Variants in CNDP1 observed in about 807,000 individuals in gnomAD.
The protein encoded by CNDP1 is beta-Ala-His dipeptidase.
Under a neutral mutation model 58.1 loss-of-function variants are expected in CNDP1, and 44 were observed. The ratio of observed to expected loss-of-function variants is 0.76; its 90% CI spans 0.60 to 0.97. CNDP1 has a LOEUF of 0.97. Among genes scored for constraint, CNDP1 ranks in the 50% least tolerant of loss-of-function variants. The pLI, the probability that CNDP1 is intolerant of heterozygous loss-of-function variation, is 0.00. For synonymous variants in CNDP1, 254 were observed against 252.6 expected (o/e 1.01, Z -0.05); for missense variants, 616 against 655.1 (o/e 0.94, Z 0.65).
chr18:74,575,113 A>AAAGG (rs1024831663), intron 7 of CNDP1, among the ~76,000 whole-genome samples: 4 of 151,866 alleles, frequency 2.6e-5, no homozygotes, highest in African/African-American at 9.7e-5. Flanking sequence ...AGAAGGAAAG[A>AAAGG]AAGGAAGGAA....
At chr18:74,536,612 T>C (rs1980492184) in intron 1 of CNDP1, among the ~76,000 whole-genome samples, 1 of 152,266 alleles carries the variant, frequency 6.6e-6, no homozygotes, top group Non-Finnish European at 1.5e-5. Context: ...TTCACATTCA[T>C]GTGTCTTTAT....
chr18:74,546,583 A>C (rs17238585), intron 1 of CNDP1, among the ~76,000 whole-genome samples: 5 of 152,032 alleles, frequency 3.3e-5, no homozygotes, highest in African/African-American at 1.2e-4. Flanking sequence ...AGTAGGTCCC[A>C]CTGTCCCTGC....
Position 74,578,346 on chromosome 18 carries a change from G to A in CNDP1, c.1167+19G>A, listed in dbSNP as rs1568300672. On this transcript the variant is annotated intron_variant, in intron 9 of 11. Transcript: ENST00000358821. ...AAAACAGGTAACAAATGCTTATTGT[G>A]ACAATAACATGTTTCAGTAACATGG... is the stretch of plus-strand genomic sequence containing the variant. The A allele has an allele frequency of 5.0e-6, 8 of 1,590,326 alleles. No individual in the cohort carries two copies. In the East Asian group the frequency reaches 1.1e-4, roughly 22 times the overall value.
intron 1 of CNDP1, among the ~76,000 whole-genome samples, chr18:74,540,157 CTTT>C (rs34321505): frequency 3.0e-5 from 4 of 135,234 alleles, no homozygotes; most frequent in Admixed American, 7.5e-5. Flanking sequence ...TGGTATAAAT[CTTT>C]TTTTTTTTTT....
At chr18:74,554,103 C>G (rs766745877) in intron 1 of CNDP1, among the ~76,000 whole-genome samples, 1 of 152,174 alleles carries the variant, frequency 6.6e-6, no homozygotes, top group Non-Finnish European at 1.5e-5. Context: ...TGTTGGCCCT[C>G]CTGACTATTA....
Position 74,571,168 on chromosome 18 carries a change from C to A in CNDP1, c.757-18C>A, listed in dbSNP as rs756529369. The A allele has an allele frequency of 6.4e-7, 1 of 1,565,802 alleles. No individual in the cohort carries two copies. Among genetic ancestry groups the A allele is most frequent in the South Asian group, 1.1e-5 (1 of 89,930 alleles). The stretch of plus-strand genomic sequence containing the variant: ...CCAAGGCAGGAAGTATATCTCTTAC[C>A]TTTTATCTACTCTGCAGGTGAAATG... On this transcript the variant is annotated intron_variant, in intron 6 of 11. Transcript: ENST00000358821.
At chr18:74,542,086 C>T (rs370363015) in intron 1 of CNDP1, among the ~76,000 whole-genome samples, 245 of 152,264 alleles carry the variant, frequency 1.6e-3, no homozygotes, top group African/African-American at 5.4e-3. Context: ...CAGGGAGAAA[C>T]GCGTTTGCAT....
Position 74,578,219 on chromosome 18 carries a change from G to A in CNDP1, c.1059G>A (p.Glu353=). 1 of 1,614,088 alleles carries A rather than the reference G, an allele frequency of 6.2e-7. No homozygotes were observed. Among genetic ancestry groups the A allele is most frequent in the Non-Finnish European group, 8.5e-7 (1 of 1,180,008 alleles). The change falls in exon 9 of 12, where the codon GAG becomes GAA. Residue 353 remains glutamate (E), a synonymous_variant. Transcript: ENST00000358821. ...RYPSLSIHGI[E]GAFDEPGTKT... is the part of the protein sequence containing the mutation. ...CATCTCTTTCTATTCATGGGATCGA[G>A]GGCGCGTTTGATGAGCCTGGAACTA...
intron 10 of CNDP1, among the ~76,000 whole-genome samples, chr18:74,582,205 C>T (rs1293142322): frequency 6.6e-6 from 1 of 152,192 alleles, no homozygotes; most frequent in Non-Finnish European, 1.5e-5. Context: ...CATAAGACAC[C>T]TTTCGGTCTA....
intron 1 of CNDP1, 149 bp from the exon 2 acceptor site, chr18:74,556,187 CAT>C (rs1283689107): frequency 2.2e-5 from 17 of 786,026 alleles, no homozygotes; most frequent in Non-Finnish European, 3.2e-5. Flanking sequence ...GCAAAAAATA[CAT>C]GTTTGGTTCT....
intron 10 of CNDP1, among the ~76,000 whole-genome samples, chr18:74,581,487 G>A (rs951229001): frequency 2.0e-5 from 3 of 152,146 alleles, no homozygotes; most frequent in African/African-American, 7.2e-5. Context: ...GAGCTTCCTG[G>A]AGATGAGCTC....
intron 1 of CNDP1, among the ~76,000 whole-genome samples, chr18:74,549,475 T>A (rs1324777589): frequency 6.6e-6 from 1 of 152,094 alleles, no homozygotes; most frequent in African/African-American, 2.4e-5. Context: ...TGAGTTTATA[T>A]AAAATTAAAT....
At chr18:74,572,790 C>CAAAAAAAAAAA (rs56059264) in intron 7 of CNDP1, among the ~76,000 whole-genome samples, 17 of 60,052 alleles carry the variant, frequency 2.8e-4, no homozygotes, top group South Asian at 7.8e-4. Context: ...GACCCTGTAT[C>CAAAAAAAAAAA]AAAAAAAAAA....
intron 2 of CNDP1, among the ~76,000 whole-genome samples, chr18:74,557,470 G>A (rs1250067446): frequency 2.0e-5 from 3 of 152,202 alleles, no homozygotes; most frequent in African/African-American, 2.4e-5. Context: ...GGCCTGGGGA[G>A]CAGGAGGAGA....
At chr18:74,535,699 T>C (rs2144634998) in intron 1 of CNDP1, among the ~76,000 whole-genome samples, 1 of 151,978 alleles carries the variant, frequency 6.6e-6, no homozygotes, top group Middle Eastern at 3.4e-3. Flanking sequence ...CATGATAGTA[T>C]CTATTCAAAA....
intron 1 of CNDP1, among the ~76,000 whole-genome samples, chr18:74,554,407 T>C (rs965140469): frequency 1.3e-5 from 2 of 152,186 alleles, no homozygotes; most frequent in African/African-American, 4.8e-5. Flanking sequence ...GATGCACTCT[T>C]TATTGCCGTC....
intron 9 of CNDP1, among the ~76,000 whole-genome samples, chr18:74,578,920 A>C (rs888107497): frequency 3.5e-4 from 54 of 152,148 alleles, no homozygotes; most frequent in Admixed American, 3.5e-3. Context: ...CCAAATTACC[A>C]ACCAATCATC....
At chr18:74,539,366 C>T (rs997315609) in intron 1 of CNDP1, among the ~76,000 whole-genome samples, 1 of 152,190 alleles carries the variant, frequency 6.6e-6, no homozygotes, top group African/African-American at 2.4e-5. Context: ...TTCTCCTGCA[C>T]ACTGTCTCAC....
intron 1 of CNDP1, among the ~76,000 whole-genome samples, chr18:74,546,330 C>T (rs907672480): frequency 7.2e-5 from 11 of 152,300 alleles, no homozygotes; most frequent in African/African-American, 2.4e-4. Context: ...CATACCCTGA[C>T]ACTGCGAGCT....
Sources: allele counts gnomAD v4.1 joint callset (sites outside exome capture counted in the v4.1 genomes callset), GRCh38; gene constraint gnomAD v4.1.1; transcripts MANE v1.5; gene names NCBI Gene and HGNC (gene_info 2026-07-23, HGNC 2026-07-21).